PPP1R16B: variants seen among roughly 807,000 people sequenced by gnomAD.
The protein encoded by PPP1R16B is protein phosphatase 1 regulatory inhibitor subunit 16B.
A neutral mutation model predicts 61.7 loss-of-function variants in PPP1R16B; 14 were observed. The observed-to-expected ratio is 0.23, with a 90% CI of 0.15 to 0.35. PPP1R16B has a LOEUF of 0.35. PPP1R16B is among the 10% of genes least tolerant of loss of function. PPP1R16B has a pLI of 1.00. For synonymous variants in PPP1R16B, 266 were observed against 305.3 expected, an observed-to-expected ratio of 0.87 and a Z score of 1.34; for missense variants, 547 against 752.5, an observed-to-expected ratio of 0.73 and a Z score of 3.19.
Position 38,920,809 on chromosome 20 carries a change from A to C in PPP1R16B, c.*2143A>C, listed in dbSNP as rs2085590204. 6.6e-6 allele frequency: 1 copy of C among 152,454 alleles called. No homozygotes were observed. Among genetic ancestry groups the C allele is most frequent in the South Asian group, 2.1e-4 (1 of 4,832 alleles). The allele number at this position is 152,454 out of a possible 1,614,324, so 9.4% of individuals were successfully genotyped here. ...CTTGCCATTTGGGGTGGGCTCTTCA[A>C]CATCTCAGGCTGTGGCTGGAACAGG... On this transcript the variant is annotated 3_prime_UTR_variant, in exon 11 of 11. Transcript: ENST00000299824.
At chr20:38,877,949 GTTGTTT>G (rs2085179238) in intron 2 of PPP1R16B, among the ~76,000 whole-genome samples, 3 of 94,034 alleles carry the variant, frequency 3.2e-5, no homozygotes, top group African/African-American at 4.2e-5. Context: ...GCAGCACACA[GTTGTTT>G]TTTTTTTTTT....
Position 38,910,209 on chromosome 20 carries a change from C to T in PPP1R16B, c.1194+2016C>T, listed in dbSNP as rs187394861. Reference sequence around the variant, plus strand: ...GGCCAGGCTGGTGTTGAAGTTCTGACCTCAAGCAATCCTTACCCACTTGGA... The same window carrying T: ...GGCCAGGCTGGTGTTGAAGTTCTGATCTCAAGCAATCCTTACCCACTTGGA... On this transcript the variant is annotated intron_variant, in intron 10 of 10. Transcript: ENST00000299824. Among the ~76,000 whole-genome samples the T allele has an allele frequency of 2.4e-3, 360 of 152,250 alleles. 1 individual carries two copies. Among genetic ancestry groups the T allele is most frequent in the African/African-American group, 8.2e-3 (342 of 41,538 alleles).
intron 4 of PPP1R16B, among the ~76,000 whole-genome samples, chr20:38,896,539 T>G (rs957906654): frequency 6.6e-6 from 1 of 152,060 alleles, no homozygotes; most frequent in Non-Finnish European, 1.5e-5. Flanking sequence ...TCTCTGTATT[T>G]TCCAGTCTCT....
At chr20:38,883,769 G>GC (rs2085221242) in intron 2 of PPP1R16B, among the ~76,000 whole-genome samples, 1 of 152,210 alleles carries the variant, frequency 6.6e-6, no homozygotes, top group Non-Finnish European at 1.5e-5. Context: ...TGGCACACAA[G>GC]CAAGAGCTCA....
intron 2 of PPP1R16B, among the ~76,000 whole-genome samples, chr20:38,874,203 A>G (rs981934477): frequency 2.2e-4 from 34 of 152,292 alleles, no homozygotes; most frequent in African/African-American, 7.7e-4. Context: ...CTTTGGCCTT[A>G]TCTTGTAGTC....
In PPP1R16B at chr20:38,918,831, T is replaced by C. The variant is rs2085566316; in HGVS notation, c.*165T>C. ...TCAGCTGGCTGCCCATAGCATCCCA[T>C]GTCCCACGTCCCGTGGTTCTGCTTC... On this transcript the variant is annotated 3_prime_UTR_variant, in exon 11 of 11. Transcript: ENST00000299824. This position sits in a 1 kb window ranked among gnomAD's most constrained non-coding sequence, Gnocchi z 5.3. The C allele has an allele frequency of 2.4e-6, 2 of 823,892 alleles. No homozygotes were observed. The highest frequency in any genetic ancestry group is 3.0e-5 in the East Asian group (1 of 33,158). 51.0% of individuals were successfully genotyped at this position (823,892 alleles called of 1,614,324 possible).
At chr20:38,830,364 A>G (rs980610563) in intron 1 of PPP1R16B, among the ~76,000 whole-genome samples, 1 of 152,258 alleles carries the variant, frequency 6.6e-6, no homozygotes, top group Non-Finnish European at 1.5e-5. Context: ...ACGAAGATCA[A>G]TGGCAAGATG....
chr20:38,849,172 G>A (rs1005396164), intron 2 of PPP1R16B, among the ~76,000 whole-genome samples: 4 of 151,900 alleles, frequency 2.6e-5, no homozygotes, highest in Non-Finnish European at 4.4e-5. Flanking sequence ...TTAAAAGGAG[G>A]GCTTTGGGTT....
chr20:38,878,794 C>T (rs1249767712), intron 2 of PPP1R16B, among the ~76,000 whole-genome samples: 1 of 152,152 alleles, frequency 6.6e-6, no homozygotes, highest in African/African-American at 2.4e-5. Flanking sequence ...GCATGTATCT[C>T]CTACCTGCAG....
chr20:38,811,277 A>C (rs1179331801), intron 1 of PPP1R16B, among the ~76,000 whole-genome samples: 1 of 152,144 alleles, frequency 6.6e-6, no homozygotes, highest in Admixed American at 6.5e-5. Flanking sequence ...ACATCCAAAC[A>C]CAGGCTTACA....
At chr20:38,842,852 T>C (rs541432277) in intron 2 of PPP1R16B, among the ~76,000 whole-genome samples, 111 of 152,092 alleles carry the variant, frequency 7.3e-4, no homozygotes, top group Non-Finnish European at 1.3e-3. Context: ...AACCCTGTTA[T>C]TGTTACAGAA....
At position 38,856,853 on chromosome 20, in the gene PPP1R16B, C is replaced by A. The variant is rs999368324; in HGVS notation, c.250+20678C>A. On this transcript the variant is annotated intron_variant, in intron 2 of 10. Transcript: ENST00000299824. ...CAGAATCTGTCCTCTAAGCCTTATG[C>A]CACAGTCATGGTTACTTCTACATGG... 1.3e-5 allele frequency among the ~76,000 whole-genome samples: 2 copies of A among 152,216 alleles called. 1 individual carries two copies. The highest frequency in any genetic ancestry group is 1.3e-4 in the Admixed American group (2 of 15,278).
In PPP1R16B at chr20:38,906,990, A is replaced by G. The variant is rs2085449041; in HGVS notation, c.834A>G (p.Ala278=). The G allele has an allele frequency of 6.2e-6, 10 of 1,613,932 alleles. No individual in the cohort carries two copies. The highest frequency in any genetic ancestry group is 6.8e-6 in the Non-Finnish European group (8 of 1,179,788). Residue 278 remains alanine (A), a synonymous_variant, in exon 8 of 11, where the codon GCA becomes GCG. Transcript: ENST00000299824. ...AAAFWGQMQM[A]ELLVSHGASL... Reference sequence around the variant, plus strand: ...TTCCTGTGTTTCAGATGCAGATGGCAGAGCTATTGGTGTCCCATGGAGCTA... The same window carrying G: ...TTCCTGTGTTTCAGATGCAGATGGCGGAGCTATTGGTGTCCCATGGAGCTA...
At chr20:38,841,278 G>C (rs1054550016) in intron 2 of PPP1R16B, among the ~76,000 whole-genome samples, 6 of 144,118 alleles carry the variant, frequency 4.2e-5, no homozygotes, top group Non-Finnish European at 9.0e-5. Flanking sequence ...TGTTATCCCA[G>C]CACTTTGGGA....
intron 2 of PPP1R16B, among the ~76,000 whole-genome samples, chr20:38,857,325 A>G (rs2085015253): frequency 1.3e-5 from 2 of 152,234 alleles, no homozygotes; most frequent in Admixed American, 1.3e-4. Context: ...ATACTTGGAA[A>G]ATATTGTATA....
intron 2 of PPP1R16B, among the ~76,000 whole-genome samples, chr20:38,849,944 C>A (rs551994910): frequency 6.6e-6 from 1 of 152,130 alleles, no homozygotes; most frequent in African/African-American, 2.4e-5. Context: ...TTGAATGATA[C>A]GTTAGGACTT....
intron 6 of PPP1R16B, among the ~76,000 whole-genome samples, chr20:38,904,822 G>A (rs1022036416): frequency 1.3e-5 from 2 of 152,152 alleles, no homozygotes; most frequent in African/African-American, 4.8e-5. Flanking sequence ...CTCCCAGCTA[G>A]TCTTCTGCTA....
chr20:38,861,673 CTT>C (rs869187206), intron 2 of PPP1R16B, among the ~76,000 whole-genome samples: 1,952 of 125,526 alleles, frequency 0.016, 32 homozygotes, highest in African/African-American at 0.059. Flanking sequence ...TGCAGTTCTT[CTT>C]TTTTTTTTTT....
In PPP1R16B at chr20:38,921,125, G is replaced by A. The variant is rs1267140441; in HGVS notation, c.*2459G>A. 6.6e-6 allele frequency: 1 copy of A among 152,190 alleles called. No homozygotes were observed. Among genetic ancestry groups the A allele is most frequent in the Non-Finnish European group, 1.5e-5 (1 of 68,044 alleles). 9.4% of individuals were successfully genotyped at this position (152,190 alleles called of 1,614,324 possible). A position where few individuals can be genotyped will look rare whatever the true frequency, so the allele number is the denominator to read the frequency against. On this transcript the variant is annotated 3_prime_UTR_variant, in exon 11 of 11. Coordinates refer to ENST00000299824, the MANE Select transcript of PPP1R16B (RefSeq NM_015568.4). ...ACCCAGAAGGCTGGGAATCCCAGCT[G>A]ATTCCCTGACAGGAGCCGACTTCAC...
Sources: gnomAD v4.1 joint callset for allele counts (sites outside exome capture counted in the v4.1 genomes callset) on GRCh38, gnomAD v4.1.1 for gene constraint, Gnocchi (gnomAD v3.1) non-coding constraint, MANE v1.5 for transcripts, NCBI Gene and HGNC (gene_info 2026-07-23, HGNC 2026-07-21) for gene names.